USH2A: variants seen among roughly 807,000 people sequenced by gnomAD.
The protein encoded by USH2A is usherin, also known as Usher syndrome 2A (autosomal recessive, mild).
USH2A carries 443 observed loss-of-function variants against 538.9 expected under a neutral mutation model. The observed-to-expected ratio is 0.82, with a 90% CI of 0.76 to 0.89. The LOEUF (loss-of-function observed/expected upper bound fraction) is 0.89, where lower values mean the gene tolerates loss of function less well. Ranked by LOEUF, USH2A falls within the 40% of genes least tolerant of loss-of-function variation. USH2A has a pLI of 0.00. For synonymous variants in USH2A, 2,413 were observed against 2,273.5 expected (o/e 1.06, Z -1.75); for missense variants, 6,633 against 6,324.8 (o/e 1.05, Z -1.65).
intron 40 of USH2A, among the ~76,000 whole-genome samples, chr1:215,889,969 T>G (rs1032382236): frequency 4.6e-5 from 7 of 152,184 alleles, no homozygotes; most frequent in African/African-American, 7.2e-5. Context: ...GCTGTTAAGT[T>G]TTTCAATTGA....
rs550427907 is a variant in USH2A, at chr1:216,289,465, A to T, written c.1841-55T>A. 1.9e-6 allele frequency: 3 copies of T among 1,610,216 alleles called. No homozygotes were observed. The South Asian group carries it at 3.3e-5, about 18-fold the overall frequency. ...CTTCTAATTCATTAAAATCAGCTGC[A>T]TAATTCAAAATTAAAGACTGTATTC... is the stretch of plus-strand genomic sequence containing the variant. On this transcript the variant is annotated intron_variant, in intron 10 of 71. Coordinates refer to ENST00000307340, the MANE Select transcript of USH2A (RefSeq NM_206933.4).
In USH2A at chr1:216,048,373, C is replaced by T. The variant is rs149386479; in HGVS notation, c.6163+161G>A. On this transcript the variant is annotated intron_variant, in intron 31 of 71. Coordinates refer to ENST00000307340, the MANE Select transcript of USH2A (RefSeq NM_206933.4). ...AAGGGTATGGAGTTTGATTCATTTT[C>T]GCACCCCCCCAAAAAATGGAGCAAT... is the stretch of plus-strand genomic sequence containing the variant. 6.6e-4 allele frequency among the ~76,000 whole-genome samples: 100 copies of T among 152,262 alleles called. 1 individual carries two copies. The highest frequency in any genetic ancestry group is 1.2e-3 in the Non-Finnish European group (84 of 68,028).
At chr1:216,206,540 C>T (rs2035115960) in intron 16 of USH2A, among the ~76,000 whole-genome samples, 1 of 152,134 alleles carries the variant, frequency 6.6e-6, no homozygotes. Flanking sequence ...AGTAATGTCG[C>T]CGGCCTGCTG....
chr1:216,097,620 A>G (rs1050527422), intron 21 of USH2A, among the ~76,000 whole-genome samples: 9 of 152,222 alleles, frequency 5.9e-5, no homozygotes, highest in African/African-American at 2.2e-4. Flanking sequence ...AGTTTAAAGA[A>G]TCGGTTCAGT....
chr1:216,223,126 A>G (rs1212959411), intron 14 of USH2A, among the ~76,000 whole-genome samples: 1 of 152,090 alleles, frequency 6.6e-6, no homozygotes, highest in African/African-American at 2.4e-5. Context: ...GATTTCCAGA[A>G]CTATAAGATA....
chr1:216,176,221 C>A (rs1406256356), intron 20 of USH2A, among the ~76,000 whole-genome samples: 1 of 151,558 alleles, frequency 6.6e-6, no homozygotes, highest in African/African-American at 2.4e-5. Context: ...CCAGGGGTAA[C>A]CTTTATTTAT....
chr1:215,799,479 T>C (rs1055288655), intron 49 of USH2A, among the ~76,000 whole-genome samples: 19 of 152,324 alleles, frequency 1.2e-4, no homozygotes, highest in Non-Finnish European at 2.5e-4. Flanking sequence ...AAACCAACTA[T>C]TGATAAATTT....
rs566906335 is a variant in USH2A at position 216,012,882 on chromosome 1, A to C, written c.6326-12320T>G. Among the ~76,000 whole-genome samples the C allele has an allele frequency of 7.3e-3, 1,114 of 152,098 alleles. 14 individuals are homozygous for C. Among genetic ancestry groups the C allele is most frequent in the African/African-American group, 0.025 (1,051 of 41,510 alleles). On this transcript the variant is annotated intron_variant, in intron 32 of 71. Transcript: ENST00000307340. ...ACCAGACCAACTTAGACTGTGCCCC[A>C]AAAAAACTTGTCATCCCTACTATCT...
chr1:215,913,991 G>C (rs1665881617), intron 38 of USH2A, among the ~76,000 whole-genome samples: 1 of 150,544 alleles, frequency 6.6e-6, no homozygotes, highest in South Asian at 2.1e-4. Flanking sequence ...AGAAAACAAA[G>C]CTGAATAATG....
intron 61 of USH2A, among the ~76,000 whole-genome samples, chr1:215,687,551 T>C (rs954066098): frequency 1.3e-5 from 2 of 151,942 alleles, no homozygotes; most frequent in African/African-American, 4.8e-5. Flanking sequence ...CATAAAAACA[T>C]TGGGGGAAAA....
intron 21 of USH2A, among the ~76,000 whole-genome samples, chr1:216,124,125 C>A (rs770592054): frequency 6.6e-6 from 1 of 152,058 alleles, no homozygotes; most frequent in Non-Finnish European, 1.5e-5. Context: ...AACCTTTTGT[C>A]GCTTTAGCAG....
chr1:216,083,457 G>A lies in USH2A; in HGVS notation c.5297C>T (p.Ala1766Val). The A allele has an allele frequency of 6.2e-7, 1 of 1,610,634 alleles. No homozygotes were observed. Among genetic ancestry groups the A allele is most frequent in the Non-Finnish European group, 8.5e-7 (1 of 1,178,560 alleles). ...VYNKDGPDFL[A>V]MELKSGILTF... ...TTTTAATCAAATTAATTCACATACA[G>A]CAAGAAAATCAGGTCCATCTTTGTT... The change falls in exon 26 of 72, where the codon GCT becomes GTT. Residue 1766 changes from alanine (A) to valine (V), a missense_variant and splice_region_variant. Ala to Val is a moderately conservative substitution (Grantham distance 64). Transcript: ENST00000307340.
At chr1:216,128,198 A>G (rs1267544186) in intron 21 of USH2A, among the ~76,000 whole-genome samples, 2 of 152,136 alleles carry the variant, frequency 1.3e-5, no homozygotes, top group South Asian at 2.1e-4. Context: ...TTAAAAGTTG[A>G]TTGAAAATTT....
chr1:216,312,198 CTATT>C (rs764457744), intron 9 of USH2A, among the ~76,000 whole-genome samples: 1 of 151,734 alleles, frequency 6.6e-6, no homozygotes, highest in Non-Finnish European at 1.5e-5. Context: ...CAACACCTAA[CTATT>C]TAACCACTTT....
In USH2A at chr1:216,245,519, C is replaced by G. The variant is rs78505790; in HGVS notation, c.2809+1066G>C. Among the ~76,000 whole-genome samples, 915 of 109,640 alleles carry G rather than the reference C, an allele frequency of 8.3e-3. 25 individuals carry two copies. The East Asian group carries it at 0.11, about 13-fold the overall frequency. The allele number at this position is 109,640 out of a possible 152,430, so 71.9% of individuals were successfully genotyped here. A position where few individuals can be genotyped will look rare whatever the true frequency, so the allele number is the denominator to read the frequency against. On this transcript the variant is annotated intron_variant, in intron 13 of 71. Transcript: ENST00000307340. ...AGAGAGAGAGAGAGAGAGAGAGAGA[C>G]AAATGAATATGTATCAGTGGAAGCA...
chr1:216,057,048 A>G (rs2102534173), intron 30 of USH2A, among the ~76,000 whole-genome samples: 1 of 152,328 alleles, frequency 6.6e-6, no homozygotes, highest in South Asian at 2.1e-4. Context: ...ATATATTTTC[A>G]TCATTTTTAA....
chr1:215,764,314 G>A (rs933472859), intron 56 of USH2A, among the ~76,000 whole-genome samples: 3 of 152,076 alleles, frequency 2.0e-5, no homozygotes, highest in African/African-American at 7.2e-5. Flanking sequence ...AAAAGACTGG[G>A]TCTTCTTTTC....
At chr1:216,348,612 A>G (rs1209473040) in intron 4 of USH2A, among the ~76,000 whole-genome samples, 1 of 152,116 alleles carries the variant, frequency 6.6e-6, no homozygotes, top group Non-Finnish European at 1.5e-5. Context: ...AAAAATAGTT[A>G]TTTTTTAGCA....
chr1:216,038,488 AC>A (rs112900849), intron 32 of USH2A, among the ~76,000 whole-genome samples: 43,435 of 151,386 alleles, frequency 0.29, 6,656 homozygotes, highest in African/African-American at 0.38. Flanking sequence ...CTTTTTGAAG[AC>A]CCCCCCTCCA....
Sources: allele counts gnomAD v4.1 joint callset (sites outside exome capture counted in the v4.1 genomes callset), GRCh38; gene constraint gnomAD v4.1.1; transcripts MANE v1.5; gene names NCBI Gene and HGNC (gene_info 2026-07-23, HGNC 2026-07-21).